AGBL1: variants seen among roughly 807,000 people sequenced by gnomAD.
The protein encoded by AGBL1 is AGBL carboxypeptidase 1.
A neutral mutation model predicts 118.9 loss-of-function variants in AGBL1; 130 were observed. The ratio of observed to expected loss-of-function variants is 1.09; its 90% CI spans 0.95 to 1.26. The LOEUF (loss-of-function observed/expected upper bound fraction) is 1.26, where lower values mean the gene tolerates loss of function less well. AGBL1 is among the 50% of genes most tolerant of loss of function. The pLI is 0.00. For synonymous variants in AGBL1, 555 were observed against 478.9 expected, an observed-to-expected ratio of 1.16 and a Z score of -2.08; for missense variants, 1,584 against 1,298.1, an observed-to-expected ratio of 1.22 and a Z score of -3.38.
chr15:86,903,771 G>A (rs181959926), intron 22 of AGBL1, among the ~76,000 whole-genome samples: 1 of 152,250 alleles, frequency 6.6e-6, no homozygotes, highest in East Asian at 1.9e-4. Context: ...GGCCATGGTG[G>A]GAATTCCAGC....
At chr15:86,304,459 T>G (rs752272239) in intron 17 of AGBL1, among the ~76,000 whole-genome samples, 1 of 152,222 alleles carries the variant, frequency 6.6e-6, no homozygotes, top group Non-Finnish European at 1.5e-5. Context: ...ACCTTGCTAC[T>G]TTTTTTCTTC....
chr15:86,721,827 T>A (rs1256202428), intron 22 of AGBL1, among the ~76,000 whole-genome samples: 4 of 152,202 alleles, frequency 2.6e-5, no homozygotes, highest in Non-Finnish European at 5.9e-5. Context: ...ACAAAATCAA[T>A]GTACAAAAAT....
intron 23 of AGBL1, among the ~76,000 whole-genome samples, chr15:86,941,361 A>G (rs1477642644): frequency 6.6e-6 from 1 of 152,236 alleles, no homozygotes; most frequent in African/African-American, 2.4e-5. Flanking sequence ...TTATGGTAAT[A>G]TAAATATTCT....
At chr15:86,542,791 ATTC>A (rs936709837) in intron 19 of AGBL1, among the ~76,000 whole-genome samples, 6 of 152,168 alleles carry the variant, frequency 3.9e-5, no homozygotes, top group African/African-American at 7.2e-5. Context: ...ATCCCAGATA[ATTC>A]TTCTTGTTCT....
At chr15:86,241,850 G>T (rs1432690681) in intron 6 of AGBL1, among the ~76,000 whole-genome samples, 4 of 152,034 alleles carry the variant, frequency 2.6e-5, no homozygotes, top group Non-Finnish European at 5.9e-5. Context: ...AGTAACTAGG[G>T]GCCCCTGAAG....
At chr15:86,929,386 C>G (rs2080580195) in intron 23 of AGBL1, among the ~76,000 whole-genome samples, 1 of 152,182 alleles carries the variant, frequency 6.6e-6, no homozygotes, top group Non-Finnish European at 1.5e-5. Context: ...TTTCCTCAAC[C>G]TCTGGACAAT....
At chr15:86,178,094 A>G (rs1386596489) in intron 5 of AGBL1, among the ~76,000 whole-genome samples, 1 of 152,190 alleles carries the variant, frequency 6.6e-6, no homozygotes. Context: ...TGGGCAGATC[A>G]CGAGGTCAGC....
At position 86,154,534 on chromosome 15, in the gene AGBL1, T is replaced by G. The variant is rs1196007327; in HGVS notation, c.367T>G (p.Trp123Gly). The change falls in exon 4 of 23, where the codon TGG becomes GGG. Residue 123 changes from tryptophan to glycine, a missense_variant. Physicochemically the swap from Trp to Gly is radical, Grantham distance 184. Transcript: ENST00000614907. ...SHGQNLLHCLWALRVFASSVS... is the reference protein window; with the variant it reads ...SHGQNLLHCLGALRVFASSVS... Reference sequence around the variant, plus strand: ...TGGCCAGAATCTCCTCCACTGTCTCTGGGCTCTGCGTGTGTTTGCCTCCAG... The same window carrying G: ...TGGCCAGAATCTCCTCCACTGTCTCGGGGCTCTGCGTGTGTTTGCCTCCAG... 1 of 1,612,338 alleles carries G rather than the reference T, an allele frequency of 6.2e-7. No individual in the cohort carries two copies. The highest frequency in any genetic ancestry group is 8.5e-7 in the Non-Finnish European group (1 of 1,179,174).
At chr15:86,668,049 A>G (rs1453040522) in intron 21 of AGBL1, among the ~76,000 whole-genome samples, 7 of 152,186 alleles carry the variant, frequency 4.6e-5, no homozygotes, top group Non-Finnish European at 1.0e-4. Flanking sequence ...AGAGAGGAGC[A>G]GGTGCCAGGC....
rs1006194673 is a variant in AGBL1 at position 86,724,138 on chromosome 15, A to T, written c.3158+49702A>T. ...GTAGTCCCAGCTACTTGGGAGGCTG[A>T]GGCAGGAGAATGGCGTGAATCCGGG... On this transcript the variant is annotated intron_variant, in intron 22 of 22. Transcript: ENST00000614907. Among the ~76,000 whole-genome samples, 4 of 147,016 alleles carry T rather than the reference A, an allele frequency of 2.7e-5. No homozygotes were observed. The East Asian group carries it at 8.5e-4, about 31-fold the overall frequency.
chr15:86,578,114 G>A (rs1362223190), intron 21 of AGBL1, among the ~76,000 whole-genome samples: 1 of 152,172 alleles, frequency 6.6e-6, no homozygotes, highest in African/African-American at 2.4e-5. Context: ...CTCAACACCA[G>A]CCTGTGAAAG....
At chr15:86,474,013 A>T (rs76110985) in intron 18 of AGBL1, among the ~76,000 whole-genome samples, 6,029 of 152,230 alleles carry the variant, frequency 0.04, 172 homozygotes, top group East Asian at 0.081. Flanking sequence ...CAAGTAATAA[A>T]ATTGCACTGT....
At chr15:86,741,584 T>C (rs1356932986) in intron 22 of AGBL1, among the ~76,000 whole-genome samples, 1 of 151,902 alleles carries the variant, frequency 6.6e-6, no homozygotes, top group Non-Finnish European at 1.5e-5. Context: ...GTTCTGCATG[T>C]TGATGAAGTC....
intron 22 of AGBL1, among the ~76,000 whole-genome samples, chr15:86,861,973 G>C (rs1249745757): frequency 6.6e-6 from 1 of 152,198 alleles, no homozygotes; most frequent in Non-Finnish European, 1.5e-5. Flanking sequence ...CTGCAATTAA[G>C]AGTCTACATG....
At chr15:86,498,130 A>G (rs2082875631) in intron 18 of AGBL1, among the ~76,000 whole-genome samples, 1 of 151,928 alleles carries the variant, frequency 6.6e-6, no homozygotes, top group Admixed American at 6.6e-5. Context: ...TCATTTCATA[A>G]TTAGAAATAT....
chr15:86,636,118 G>A (rs2437792), intron 21 of AGBL1, among the ~76,000 whole-genome samples: 63,169 of 151,998 alleles, frequency 0.42, 14,097 homozygotes, highest in Middle Eastern at 0.56. Context: ...TACCACATGA[G>A]GGGAAATATG....
At chr15:86,172,006 T>C (rs955629085) in intron 5 of AGBL1, among the ~76,000 whole-genome samples, 8 of 152,154 alleles carry the variant, frequency 5.3e-5, no homozygotes, top group African/African-American at 1.9e-4. Flanking sequence ...TGCAAAGTCA[T>C]AAGAATGTTA....
chr15:86,233,936 C>A (rs1192172187), intron 6 of AGBL1, among the ~76,000 whole-genome samples: 1 of 152,090 alleles, frequency 6.6e-6, no homozygotes, highest in Non-Finnish European at 1.5e-5. Flanking sequence ...TCCCAGGCAC[C>A]CATTCTGGGT....
chr15:86,897,881 C>T (rs1220916139), intron 22 of AGBL1, among the ~76,000 whole-genome samples: 1 of 151,062 alleles, frequency 6.6e-6, no homozygotes, highest in African/African-American at 2.4e-5. Context: ...GTGATCCTCC[C>T]ACCTCAGCCT....
Sources: gnomAD v4.1 joint callset for allele counts (sites outside exome capture counted in the v4.1 genomes callset) on GRCh38, gnomAD v4.1.1 for gene constraint, MANE v1.5 for transcripts, NCBI Gene and HGNC (gene_info 2026-07-23, HGNC 2026-07-21) for gene names.